BICC1: variants seen among roughly 807,000 people sequenced by gnomAD.
The protein encoded by BICC1 is protein bicaudal C homolog 1.
Under a neutral mutation model 111.0 loss-of-function variants are expected in BICC1, and 43 were observed. The observed-to-expected ratio is 0.39, with a 90% CI of 0.30 to 0.50. The LOEUF is 0.50. Among genes scored for constraint, BICC1 ranks in the 20% least tolerant of loss-of-function variants. The pLI, the probability that BICC1 is intolerant of heterozygous loss-of-function variation, is 0.88. For synonymous variants in BICC1, 467 were observed against 434.4 expected, an observed-to-expected ratio of 1.07 and a Z score of -0.93; for missense variants, 1,091 against 1,203.2, an observed-to-expected ratio of 0.91 and a Z score of 1.38.
At chr10:58,556,241 AT>A (rs1002599528) in intron 1 of BICC1, among the ~76,000 whole-genome samples, 1 of 152,126 alleles carries the variant, frequency 6.6e-6, no homozygotes, top group African/African-American at 2.4e-5. Context: ...AGAAAGGTAA[AT>A]TCTACTCATT....
chr10:58,556,016 C>T (rs1453839066), intron 1 of BICC1, among the ~76,000 whole-genome samples: 1 of 151,730 alleles, frequency 6.6e-6, no homozygotes, highest in African/African-American at 2.4e-5. Flanking sequence ...TTAGATAATC[C>T]ATCAATTATA....
At position 58,796,466 on chromosome 10, in the gene BICC1, G is replaced by A. The variant is rs770876712; in HGVS notation, c.1306G>A (p.Gly436Ser). 1.9e-5 allele frequency: 30 copies of A among 1,614,090 alleles called. No individual in the cohort carries two copies. Among genetic ancestry groups the A allele is most frequent in the Non-Finnish European group, 2.4e-5 (28 of 1,179,982 alleles). Residue 436 changes from glycine to serine, a missense_variant, in exon 10 of 21, where the codon GGC becomes AGC. Around this residue, in one of 3 missense-constraint regions of BICC1, gnomAD observed 843 missense variants for 900.8 expected, o/e 0.94. Coordinates refer to ENST00000373886, the MANE Select transcript of BICC1 (RefSeq NM_001080512.3). The part of the protein sequence containing the change: ...TSPSPASCPA[G>S]LACPSLDILA... ...TCCATCCCCAGCATCCTGCCCTGCC[G>A]GCCTGGCATGTCCCAGCCTGGATAT...
At chr10:58,542,574 G>A (rs1843021526) in intron 1 of BICC1, among the ~76,000 whole-genome samples, 1 of 151,980 alleles carries the variant, frequency 6.6e-6, no homozygotes, top group African/African-American at 2.4e-5. Flanking sequence ...GAGTGAAAAG[G>A]CAGTCTACGT....
chr10:58,728,706 A>ATAC (rs1321351326), intron 3 of BICC1, among the ~76,000 whole-genome samples: 1 of 151,740 alleles, frequency 6.6e-6, no homozygotes, highest in Non-Finnish European at 1.5e-5. Flanking sequence ...TATTTCTTAA[A>ATAC]TAATAATAAT....
chr10:58,565,360 T>C (rs2131962269), intron 1 of BICC1, among the ~76,000 whole-genome samples: 1 of 152,342 alleles, frequency 6.6e-6, no homozygotes, highest in South Asian at 2.1e-4. Flanking sequence ...GCTTTTGGAA[T>C]GTTGAACAGA....
intron 2 of BICC1, among the ~76,000 whole-genome samples, chr10:58,698,284 T>C (rs1840125482): frequency 6.6e-6 from 1 of 152,188 alleles, no homozygotes; most frequent in Non-Finnish European, 1.5e-5. Flanking sequence ...TTACCTGTCC[T>C]GGATGTGTGG....
intron 1 of BICC1, among the ~76,000 whole-genome samples, chr10:58,593,538 G>A (rs1259390345): frequency 3.3e-5 from 5 of 152,136 alleles, no homozygotes; most frequent in African/African-American, 4.8e-5. Flanking sequence ...AGCTTCCAGA[G>A]GAAAGATCAA....
At chr10:58,582,517 T>C (rs886566226) in intron 1 of BICC1, among the ~76,000 whole-genome samples, 2 of 152,220 alleles carry the variant, frequency 1.3e-5, no homozygotes, top group Non-Finnish European at 2.9e-5. Context: ...CTTCAGTTAC[T>C]ATCCACTTAG....
In BICC1 at chr10:58,828,869, C is replaced by A. The variant is rs759037919; in HGVS notation, c.2903C>A (p.Ala968Asp). 1.2e-6 allele frequency: 2 copies of A among 1,613,918 alleles called. No homozygotes were observed. Among genetic ancestry groups the A allele is most frequent in the Non-Finnish European group, 1.7e-6 (2 of 1,179,842 alleles). ...RLPRQYHSDI[A>D]SVSGRW The stretch of plus-strand genomic sequence containing the variant: ...CCCCGTCAGTATCACTCAGACATTG[C>A]TAGTGTCAGTGGCCGCTGGTAGCAG... The change falls in exon 21 of 21, where the codon GCT (alanine) becomes GAT (aspartate). Residue 968 changes from alanine (A) to aspartate (D), a missense_variant. Ala to Asp is a moderately radical substitution (Grantham distance 126, BLOSUM62 -2). This residue lies in a region of BICC1 where 231 missense variants were observed against 256.2 expected (regional missense o/e 0.90). Coordinates refer to ENST00000373886, the MANE Select transcript of BICC1 (RefSeq NM_001080512.3).
chr10:58,800,132 T>C (rs1843493067), intron 12 of BICC1, 62 bp from the exon 13 acceptor site: 2 of 1,345,712 alleles, frequency 1.5e-6, no homozygotes, highest in East Asian at 5.1e-5. Context: ...GATTGTGTTC[T>C]TGATTTGACT....
chr10:58,808,118 A>G (rs1194513906), intron 17 of BICC1, among the ~76,000 whole-genome samples: 2 of 151,460 alleles, frequency 1.3e-5, no homozygotes, highest in African/African-American at 2.4e-5. Context: ...AAAAGAAAAT[A>G]CTATTGAAAT....
At chr10:58,646,003 A>G (rs1303782690) in intron 2 of BICC1, among the ~76,000 whole-genome samples, 2 of 152,110 alleles carry the variant, frequency 1.3e-5, no homozygotes, top group South Asian at 2.1e-4. Flanking sequence ...TGAATTTGGA[A>G]CAATGCCAGA....
At chr10:58,551,218 G>C (rs904948361) in intron 1 of BICC1, among the ~76,000 whole-genome samples, 2 of 152,092 alleles carry the variant, frequency 1.3e-5, no homozygotes, top group Admixed American at 1.3e-4. Flanking sequence ...TCTCAATGAA[G>C]TAATGTGAAC....
chr10:58,691,581 A>G (rs1839908993), intron 2 of BICC1, among the ~76,000 whole-genome samples: 1 of 152,196 alleles, frequency 6.6e-6, no homozygotes, highest in South Asian at 2.1e-4. Flanking sequence ...GCATAAGGAA[A>G]ATAGGTGCCA....
At chr10:58,775,879 G>A (rs1468359605) in intron 3 of BICC1, among the ~76,000 whole-genome samples, 1 of 152,126 alleles carries the variant, frequency 6.6e-6, no homozygotes, top group East Asian at 1.9e-4. Flanking sequence ...TTGAGATCAC[G>A]AACAAGCTTG....
intron 9 of BICC1, among the ~76,000 whole-genome samples, chr10:58,794,883 T>G (rs1157505922): frequency 1.3e-5 from 2 of 152,232 alleles, no homozygotes; most frequent in African/African-American, 4.8e-5. Flanking sequence ...TACTTCTGAT[T>G]ATACACTCTG....
intron 3 of BICC1, among the ~76,000 whole-genome samples, chr10:58,709,150 A>T (rs967579347): frequency 6.6e-6 from 1 of 152,090 alleles, no homozygotes; most frequent in African/African-American, 2.4e-5. Context: ...GAACACTAGG[A>T]TTTATTCTTC....
At chr10:58,657,155 G>T (rs1184675764) in intron 2 of BICC1, among the ~76,000 whole-genome samples, 16 of 152,122 alleles carry the variant, frequency 1.1e-4, no homozygotes, top group Non-Finnish European at 2.9e-5. Context: ...CCCTACTCTT[G>T]CCTGGGCGAG....
chr10:58,802,213 G>A (rs986464177), intron 14 of BICC1, among the ~76,000 whole-genome samples: 2 of 152,180 alleles, frequency 1.3e-5, no homozygotes, highest in Admixed American at 1.3e-4. Flanking sequence ...CAGACAACTT[G>A]CAGATGCTCT....
Sources: allele counts gnomAD v4.1 joint callset (sites outside exome capture counted in the v4.1 genomes callset), GRCh38; gene constraint gnomAD v4.1.1; regional missense constraint gnomAD v4.1.1; transcripts MANE v1.5; gene names NCBI Gene and HGNC (gene_info 2026-07-23, HGNC 2026-07-21).